Variants in DPYD observed in about 807,000 individuals in gnomAD.
The protein encoded by DPYD is dihydropyrimidine dehydrogenase.
In DPYD, 109 loss-of-function variants were observed where a neutral mutation model predicts 116.2. The ratio of observed to expected loss-of-function variants is 0.94; its 90% CI spans 0.80 to 1.10. The LOEUF is 1.10. DPYD is among the 50% of genes least tolerant of loss of function. The probability of loss-of-function intolerance (pLI) is 0.00; values close to 1 mark genes in which losing one functional copy is unlikely to be tolerated. For synonymous variants in DPYD, 440 were observed against 432.0 expected (o/e 1.02, Z -0.23); for missense variants, 1,302 against 1,254.5 (o/e 1.04, Z -0.57).
intron 3 of DPYD, among the ~76,000 whole-genome samples, chr1:97,815,221 T>A (rs1417710641): frequency 6.6e-6 from 1 of 152,204 alleles, no homozygotes; most frequent in East Asian, 1.9e-4. Flanking sequence ...CATTGAAGTG[T>A]AAAGCTGAAG....
chr1:97,171,286 C>T (rs980176047), intron 20 of DPYD, among the ~76,000 whole-genome samples: 11 of 152,120 alleles, frequency 7.2e-5, no homozygotes, highest in Admixed American at 6.6e-4. Context: ...AATAATTTAT[C>T]CTAAGTTCAC....
chr1:97,084,284 CTCTG>C (rs929923573), intron 21 of DPYD, among the ~76,000 whole-genome samples: 2 of 151,822 alleles, frequency 1.3e-5, no homozygotes, highest in Non-Finnish European at 2.9e-5. Flanking sequence ...AGGTTAAATC[CTCTG>C]TCTAAGATAC....
At chr1:97,275,859 C>G (rs78547229) in intron 18 of DPYD, among the ~76,000 whole-genome samples, 6,174 of 152,242 alleles carry the variant, frequency 0.041, 158 homozygotes, top group Middle Eastern at 0.1. Context: ...AGCTATCTCA[C>G]TGCACATGGC....
At chr1:97,883,235 G>T (rs755456972) in intron 2 of DPYD, 29 bp downstream of exon 2, 21 of 1,490,468 alleles carry the variant, frequency 1.4e-5, no homozygotes, top group Non-Finnish European at 2.0e-5. Flanking sequence ...GTAATTTTCA[G>T]CATGAAATAG....
chr1:97,314,192 C>G (rs1465201756), intron 16 of DPYD, among the ~76,000 whole-genome samples: 1 of 151,888 alleles, frequency 6.6e-6, no homozygotes, highest in Non-Finnish European at 1.5e-5. Flanking sequence ...TGACCATGAT[C>G]CTTTCTGTCT....
At chr1:97,629,852 T>C (rs1485866766) in intron 8 of DPYD, among the ~76,000 whole-genome samples, 1 of 152,070 alleles carries the variant, frequency 6.6e-6, no homozygotes, top group African/African-American at 2.4e-5. Flanking sequence ...GTAATGAAAT[T>C]TATACTGGGG....
At chr1:97,119,988 C>T (rs1246160145) in intron 20 of DPYD, among the ~76,000 whole-genome samples, 1 of 152,104 alleles carries the variant, frequency 6.6e-6, no homozygotes, top group Non-Finnish European at 1.5e-5. Context: ...CGAAGACCCG[C>T]AGATGGTCAG....
Position 97,795,558 on chromosome 1 carries a change from A to G in DPYD, c.233+32556T>C, listed in dbSNP as rs954969828. On this transcript the variant is annotated intron_variant, in intron 3 of 22. Coordinates refer to ENST00000370192, the MANE Select transcript of DPYD (RefSeq NM_000110.4). ...CACATTGACGCAATTAAAAACAAAC[A>G]TTCCTACATAAACTCATTTCTATAA... Among the ~76,000 whole-genome samples the G allele has an allele frequency of 2.6e-5, 4 of 152,132 alleles. No homozygotes were observed. In the South Asian group the frequency reaches 6.2e-4, roughly 24 times the overall value.
chr1:97,110,858 C>A (rs1651540523), intron 20 of DPYD, among the ~76,000 whole-genome samples: 1 of 151,926 alleles, frequency 6.6e-6, no homozygotes, highest in Admixed American at 6.6e-5. Context: ...TTAGTTGACC[C>A]TTCTTTCTTT....
At chr1:97,778,690 T>C (rs1666562770) in intron 3 of DPYD, among the ~76,000 whole-genome samples, 1 of 152,180 alleles carries the variant, frequency 6.6e-6, no homozygotes, top group Non-Finnish European at 1.5e-5. Flanking sequence ...TTTATTTTCA[T>C]TGCTGTATCA....
At chr1:97,568,708 G>T (rs555823941) in intron 11 of DPYD, among the ~76,000 whole-genome samples, 1 of 151,928 alleles carries the variant, frequency 6.6e-6, no homozygotes, top group South Asian at 2.1e-4. Context: ...CATTTTCGAA[G>T]AAAAATAAAC....
At chr1:97,697,978 A>G (rs1661396988) in intron 6 of DPYD, among the ~76,000 whole-genome samples, 1 of 151,996 alleles carries the variant, frequency 6.6e-6, no homozygotes, top group Non-Finnish European at 1.5e-5. Flanking sequence ...ACAACATACA[A>G]TGCTTATACA....
chr1:97,238,674 T>C (rs1406018669), intron 18 of DPYD, among the ~76,000 whole-genome samples: 1 of 152,176 alleles, frequency 6.6e-6, no homozygotes, highest in Admixed American at 6.5e-5. Context: ...ATTTTGTCAC[T>C]GCTACAGTGA....
intron 4 of DPYD, among the ~76,000 whole-genome samples, chr1:97,723,880 G>C (rs2101031230): frequency 6.6e-6 from 1 of 151,650 alleles, no homozygotes. Context: ...GGCATTTGAG[G>C]CTGCCATGGC....
At chr1:97,559,466 T>C (rs1288899325) in intron 11 of DPYD, among the ~76,000 whole-genome samples, 1 of 152,160 alleles carries the variant, frequency 6.6e-6, no homozygotes, top group South Asian at 2.1e-4. Flanking sequence ...TATGTATCCA[T>C]GTAATGTGTG....
At chr1:97,604,587 A>C (rs1655467081) in intron 8 of DPYD, among the ~76,000 whole-genome samples, 1 of 152,070 alleles carries the variant, frequency 6.6e-6, no homozygotes, top group South Asian at 2.1e-4. Context: ...TTCTCAATAG[A>C]TTTTTACAAG....
intron 8 of DPYD, among the ~76,000 whole-genome samples, chr1:97,614,961 G>T (rs934298251): frequency 3.3e-5 from 5 of 151,924 alleles, no homozygotes; most frequent in African/African-American, 9.7e-5. Context: ...AAGACTGTAG[G>T]CTTTTAAAAT....
At chr1:97,260,635 T>C (rs1253070103) in intron 18 of DPYD, among the ~76,000 whole-genome samples, 1 of 152,142 alleles carries the variant, frequency 6.6e-6, no homozygotes, top group Non-Finnish European at 1.5e-5. Flanking sequence ...ATAAACTTTA[T>C]TGAATGTGTG....
intron 21 of DPYD, among the ~76,000 whole-genome samples, chr1:97,083,393 C>T (rs954713345): frequency 3.3e-5 from 5 of 151,926 alleles, no homozygotes; most frequent in Non-Finnish European, 7.4e-5. Context: ...GCATTTTCTG[C>T]TATTTTTATA....
Sources: allele counts gnomAD v4.1 joint callset (sites outside exome capture counted in the v4.1 genomes callset), GRCh38; gene constraint gnomAD v4.1.1; transcripts MANE v1.5; gene names NCBI Gene and HGNC (gene_info 2026-07-23, HGNC 2026-07-21).